SMARCC1: variants seen among roughly 807,000 people sequenced by gnomAD.
The protein encoded by SMARCC1 is SWI/SNF complex subunit SMARCC1.
Under a neutral mutation model 147.4 loss-of-function variants are expected in SMARCC1, and 43 were observed. The observed-to-expected ratio is 0.29, with a 90% confidence interval of 0.23 to 0.38. The LOEUF is 0.38. Ranked by LOEUF, SMARCC1 falls within the 10% of genes least tolerant of loss-of-function variation. SMARCC1 has a pLI of 1.00. For synonymous variants in SMARCC1, 495 were observed against 484.4 expected, an observed-to-expected ratio of 1.02 and a Z score of -0.29; for missense variants, 1,119 against 1,381.1, an observed-to-expected ratio of 0.81 and a Z score of 3.01.
At chr3:47,619,119 T>A (rs2032690606) in intron 25 of SMARCC1, among the ~76,000 whole-genome samples, 1 of 152,232 alleles carries the variant, frequency 6.6e-6, no homozygotes, top group African/African-American at 2.4e-5. Context: ...TTTTCTCTGA[T>A]AACTTCTCCC....
chr3:47,608,990 C>T (rs1003173796), intron 26 of SMARCC1, among the ~76,000 whole-genome samples: 13 of 151,904 alleles, frequency 8.6e-5, no homozygotes, highest in South Asian at 2.1e-4. Context: ...TCAGGCACAG[C>T]CACATTGTGG....
At chr3:47,702,218 T>C (rs2033926906) in intron 10 of SMARCC1, among the ~76,000 whole-genome samples, 1 of 111,840 alleles carries the variant, frequency 8.9e-6, no homozygotes, top group African/African-American at 3.1e-5. Context: ...AACTAATAAA[T>C]GTCAGGGGGC....
chr3:47,672,783 T>C (rs1016256548), intron 18 of SMARCC1, among the ~76,000 whole-genome samples: 3 of 152,080 alleles, frequency 2.0e-5, no homozygotes, highest in Admixed American at 1.3e-4. Flanking sequence ...TTTCTTCTTC[T>C]TCTTCTTCTT....
At chr3:47,608,786 C>G (rs1416801238) in intron 26 of SMARCC1, among the ~76,000 whole-genome samples, 1 of 144,304 alleles carries the variant, frequency 6.9e-6, no homozygotes, top group African/African-American at 2.6e-5. Flanking sequence ...GAGGTTGAGG[C>G]TGCAGTGAGC....
Position 47,745,903 on chromosome 3 carries a change from C to T in SMARCC1, c.401+5G>A. On this transcript the variant is annotated splice_donor_5th_base_variant and intron_variant, in intron 3 of 27. Coordinates refer to ENST00000254480, the MANE Select transcript of SMARCC1 (RefSeq NM_003074.4). ...CAAAACATGCAAACAAATACAAAAACTTACCATCCCTGTTCATTTTTATAC... is the reference window on the plus strand; with the variant it reads ...CAAAACATGCAAACAAATACAAAAATTTACCATCCCTGTTCATTTTTATAC... 1 of 1,521,418 alleles carries T rather than the reference C, an allele frequency of 6.6e-7. No individual in the cohort carries two copies. The highest frequency in any genetic ancestry group is 8.8e-7 in the Non-Finnish European group (1 of 1,132,874). 94.2% of individuals were successfully genotyped at this position (1,521,418 alleles called of 1,614,324 possible). A position where few individuals can be genotyped will look rare whatever the true frequency, so the allele number is the denominator to read the frequency against.
rs1219866989 is a variant in SMARCC1, at chr3:47,661,468, T to C, written c.2159-13A>G. 2 of 1,589,828 alleles carry C rather than the reference T, an allele frequency of 1.3e-6. No individual in the cohort carries two copies. Among genetic ancestry groups the C allele is most frequent in the Non-Finnish European group, 8.5e-7 (1 of 1,172,526 alleles). Reference sequence around the variant, plus strand: ...CGAGAAAACTCCTCTGGTTCAAGAATAAAAATGGAACAGCAATCTAACTTT... The same window carrying C: ...CGAGAAAACTCCTCTGGTTCAAGAACAAAAATGGAACAGCAATCTAACTTT... On this transcript the variant is annotated splice_polypyrimidine_tract_variant and intron_variant, in intron 20 of 27. Transcript: ENST00000254480.
rs536752892 is a variant in SMARCC1, at chr3:47,663,913, C to A, written c.1900-1321G>T. 3.4e-6 allele frequency: 5 copies of A among 1,460,804 alleles called. No homozygotes were observed. In the African/African-American group the frequency reaches 5.6e-5, roughly 16 times the overall value. The allele number at this position is 1,460,804 out of a possible 1,614,324, so 90.5% of individuals were successfully genotyped here. A position where few individuals can be genotyped will look rare whatever the true frequency, so the allele number is the denominator to read the frequency against. ...CCATCTTGCTGGGTCTAGCTGTCAC[C>A]GCTATGAAGTCTCAACCCTGAGCCC... On this transcript the variant is annotated intron_variant, in intron 19 of 27. Transcript: ENST00000254480.
At chr3:47,702,961 C>G (rs2033944386) in intron 10 of SMARCC1, among the ~76,000 whole-genome samples, 1 of 152,150 alleles carries the variant, frequency 6.6e-6, no homozygotes, top group Non-Finnish European at 1.5e-5. Flanking sequence ...CAGTCTTGCT[C>G]TGTTGCCCAG....
At chr3:47,636,590 A>C (rs1318729972) in intron 22 of SMARCC1, among the ~76,000 whole-genome samples, 1 of 152,140 alleles carries the variant, frequency 6.6e-6, no homozygotes, top group African/African-American at 2.4e-5. Context: ...TCTACTAAAA[A>C]TACAAAAAAG....
At chr3:47,650,563 C>T (rs906014356) in intron 21 of SMARCC1, among the ~76,000 whole-genome samples, 10 of 151,892 alleles carry the variant, frequency 6.6e-5, no homozygotes, top group Non-Finnish European at 1.2e-4. Context: ...TGACTGTAAT[C>T]CCAGCACTTT....
intron 26 of SMARCC1, chr3:47,603,795 C>T: frequency 3.1e-6 from 1 of 322,308 alleles, no homozygotes; most frequent in South Asian, 2.6e-5. Flanking sequence ...TGGGGCCAAC[C>T]TCAGTTTCCA....
chr3:47,604,243 T>A (rs1423157064), intron 26 of SMARCC1: 4 of 456,786 alleles, frequency 8.8e-6, no homozygotes, highest in South Asian at 6.2e-5. Context: ...AAGAATTACA[T>A]GTAACTTATC....
At chr3:47,633,616 C>T (rs556858315) in intron 24 of SMARCC1, among the ~76,000 whole-genome samples, 34 of 150,974 alleles carry the variant, frequency 2.3e-4, no homozygotes, top group Admixed American at 9.3e-4. Flanking sequence ...TAGTGATGGA[C>T]GCCTCTAATC....
intron 2 of SMARCC1, among the ~76,000 whole-genome samples, chr3:47,755,363 G>C (rs1000731746): frequency 6.6e-6 from 1 of 151,230 alleles, no homozygotes; most frequent in African/African-American, 2.4e-5. Flanking sequence ...AGACAGGCAC[G>C]GTGGCAGCCT....
At chr3:47,607,774 T>C (rs1266959044) in intron 26 of SMARCC1, among the ~76,000 whole-genome samples, 1 of 151,962 alleles carries the variant, frequency 6.6e-6, no homozygotes, top group Non-Finnish European at 1.5e-5. Flanking sequence ...CCAGGCACAG[T>C]GGAACGTGCC....
chr3:47,737,228 C>T (rs1233631557), intron 4 of SMARCC1, among the ~76,000 whole-genome samples: 2 of 151,954 alleles, frequency 1.3e-5, no homozygotes, highest in Non-Finnish European at 2.9e-5. Flanking sequence ...CCCATTTCTA[C>T]AAAAGATATA....
chr3:47,727,799 G>A (rs1037852367), intron 6 of SMARCC1, among the ~76,000 whole-genome samples: 3 of 151,816 alleles, frequency 2.0e-5, no homozygotes, highest in African/African-American at 7.2e-5. Context: ...CCATATTGGT[G>A]AGGCTGGTCT....
chr3:47,610,357 A>G, intron 25 of SMARCC1, 30 bp from the exon 26 acceptor site: 1 of 1,613,212 alleles, frequency 6.2e-7, no homozygotes, highest in Non-Finnish European at 8.5e-7. Context: ...AAGAGAAATG[A>G]CACCAGAAGA....
At chr3:47,752,290 A>C (rs1350785248) in intron 2 of SMARCC1, among the ~76,000 whole-genome samples, 3 of 152,212 alleles carry the variant, frequency 2.0e-5, no homozygotes, top group Admixed American at 2.0e-4. Context: ...AGGTAATGGA[A>C]AGCTGGAGAT....
Sources: gnomAD v4.1 joint callset for allele counts (sites outside exome capture counted in the v4.1 genomes callset) on GRCh38, gnomAD v4.1.1 for gene constraint, MANE v1.5 for transcripts, NCBI Gene and HGNC (gene_info 2026-07-23, HGNC 2026-07-21) for gene names.